The following RASA2 variants were observed in gnomAD, a reference collection of about 807,000 sequenced individuals.
RASA2 encodes ras GTPase-activating protein 2.
A neutral mutation model predicts 118.2 loss-of-function variants in RASA2; 155 were observed. The observed-to-expected ratio is 1.31, with a 90% CI of 1.15 to 1.50. RASA2 has a LOEUF of 1.50. Ranked by LOEUF, RASA2 falls within the 40% of genes most tolerant of loss-of-function variation. The probability of loss-of-function intolerance (pLI) is 0.00; values close to 1 mark genes in which losing one functional copy is unlikely to be tolerated. For missense variants in RASA2, 1,016 were observed against 1,009.6 expected (o/e 1.01, Z -0.09); for synonymous variants, 353 against 349.1 (o/e 1.01, Z -0.12).
Position 141,586,752 on chromosome 3 carries a change from G to C in RASA2, c.1933G>C (p.Gly645Arg). ...SRELTYHKQP[G>R]KDAIYTIPVK... is the part of the protein sequence containing the mutation. ...AGAGCTCACCTACCACAAACAGCCA[G>C]GTAGTTGTGTTTATGCTTTATTGTG... The change falls in exon 19 of 24, where the codon GGC becomes CGC. Residue 645 changes from glycine (G) to arginine (R), a missense_variant and splice_region_variant. Physicochemically the swap from Gly to Arg is moderately radical, Grantham distance 125 (BLOSUM62 -2). This residue lies in a region of RASA2 where 896 missense variants were observed against 836.4 expected (regional missense o/e 1.07). Transcript: ENST00000286364. The C allele has an allele frequency of 6.2e-7, 1 of 1,606,230 alleles. No homozygotes were observed. Among genetic ancestry groups the C allele is most frequent in the Non-Finnish European group, 8.5e-7 (1 of 1,173,172 alleles).
chr3:141,542,496 AT>A (rs1177462121), intron 5 of RASA2, among the ~76,000 whole-genome samples: 1 of 151,974 alleles, frequency 6.6e-6, no homozygotes, highest in Non-Finnish European at 1.5e-5. Flanking sequence ...TGGCAGTTTG[AT>A]TTTTTTCCCC....
chr3:141,600,429 C>A (rs575107456), intron 19 of RASA2: 1 of 427,162 alleles, frequency 2.3e-6, no homozygotes, highest in Non-Finnish European at 4.8e-6. Flanking sequence ...CTGCAGCCCC[C>A]GACCACATTC....
Position 141,558,874 on chromosome 3 carries a change from T to C in RASA2, c.685-12T>C, listed in dbSNP as rs778032864. On this transcript the variant is annotated splice_polypyrimidine_tract_variant and intron_variant, in intron 7 of 23. Transcript: ENST00000286364. ...TTTAAAAAAAATTTTTACTAAAATA[T>C]TTTGTTTACAGGTAACCAGATCCAG... 7 of 1,570,898 alleles carry C rather than the reference T, an allele frequency of 4.5e-6. No homozygotes were observed. The highest frequency in any genetic ancestry group is 1.7e-4 in the Middle Eastern group (1 of 5,956).
At chr3:141,498,338 T>C (rs1297600180) in intron 1 of RASA2, among the ~76,000 whole-genome samples, 1 of 152,194 alleles carries the variant, frequency 6.6e-6, no homozygotes, top group African/African-American at 2.4e-5. Flanking sequence ...TGAGATGATA[T>C]ATTGGAAGGA....
chr3:141,571,968 CAG>C (rs1274086600), intron 11 of RASA2, among the ~76,000 whole-genome samples: 4 of 149,704 alleles, frequency 2.7e-5, no homozygotes, highest in African/African-American at 9.8e-5. Context: ...TTTTTACACA[CAG>C]AGACATACAT....
chr3:141,577,199 A>G (rs925141802), intron 15 of RASA2, 93 bp downstream of exon 15: 1 of 923,268 alleles, frequency 1.1e-6, no homozygotes, highest in African/African-American at 1.7e-5. Flanking sequence ...ACTAGGCTGT[A>G]TTTTCTTATA....
chr3:141,574,703 T>C (rs182474462), intron 14 of RASA2, among the ~76,000 whole-genome samples: 49 of 152,344 alleles, frequency 3.2e-4, no homozygotes, highest in African/African-American at 9.1e-4. Flanking sequence ...CAGATGCTTA[T>C]GAGAGTTAAA....
intron 3 of RASA2, among the ~76,000 whole-genome samples, chr3:141,518,284 AG>A (rs1287267560): frequency 6.6e-6 from 1 of 151,552 alleles, no homozygotes; most frequent in African/African-American, 2.4e-5. Context: ...CAGGAGTTCA[AG>A]ACCAGCCTGG....
At chr3:141,600,168 T>C (rs2083441115) in intron 19 of RASA2, 1 of 314,254 alleles carries the variant, frequency 3.2e-6, no homozygotes, top group Non-Finnish European at 6.5e-6. Flanking sequence ...TCCAAACACA[T>C]GAATCGGTTT....
intron 11 of RASA2, 114 bp downstream of exon 11, chr3:141,571,668 T>C: frequency 2.0e-6 from 2 of 1,013,208 alleles, no homozygotes; most frequent in South Asian, 3.4e-5. Context: ...TACTGTATAG[T>C]AGGCTGAAAA....
chr3:141,571,661 T>C (rs1239469566), intron 11 of RASA2, 107 bp downstream of exon 11: 3 of 1,077,008 alleles, frequency 2.8e-6, no homozygotes, highest in Non-Finnish European at 3.9e-6. Context: ...TCAGCCTTAC[T>C]GTATAGTAGG....
intron 19 of RASA2, among the ~76,000 whole-genome samples, chr3:141,601,793 T>C (rs889998699): frequency 5.3e-5 from 8 of 152,230 alleles, no homozygotes; most frequent in Non-Finnish European, 1.0e-4. Context: ...CTTTTTCTTC[T>C]AGGGATCCTC....
intron 1 of RASA2, among the ~76,000 whole-genome samples, chr3:141,506,349 T>C (rs1205385882): frequency 6.6e-6 from 1 of 152,218 alleles, no homozygotes; most frequent in Non-Finnish European, 1.5e-5. Flanking sequence ...GTAGGACAAA[T>C]GTCTGCTTTT....
intron 1 of RASA2, among the ~76,000 whole-genome samples, chr3:141,510,911 A>C (rs1248875561): frequency 5.3e-5 from 8 of 152,176 alleles, no homozygotes; most frequent in Non-Finnish European, 1.2e-4. Flanking sequence ...TGAGTGAGTA[A>C]CCTAAAGAAT....
intron 3 of RASA2, among the ~76,000 whole-genome samples, chr3:141,520,010 T>C (rs901163799): frequency 7.7e-6 from 1 of 129,550 alleles, no homozygotes; most frequent in Non-Finnish European, 1.6e-5. Flanking sequence ...TTTCTTTTTC[T>C]CTTTTTTTTT....
At chr3:141,603,892 A>T (rs1017584566) in intron 19 of RASA2, among the ~76,000 whole-genome samples, 2 of 152,236 alleles carry the variant, frequency 1.3e-5, no homozygotes, top group South Asian at 4.1e-4. Context: ...TTGGAGGTTC[A>T]TTCATGTTGT....
At position 141,571,419 on chromosome 3, in the gene RASA2, C is replaced by A; in HGVS notation, c.1034C>A (p.Ser345Ter). 6.2e-7 allele frequency: 1 copy of A among 1,613,010 alleles called. No homozygotes were observed. Among genetic ancestry groups the A allele is most frequent in the Non-Finnish European group, 8.5e-7 (1 of 1,179,700 alleles). The change falls in exon 11 of 24, where the codon TCA (serine) becomes TAA (stop). Residue 345 changes from serine to a stop codon, truncating the protein, a stop_gained. Coordinates refer to ENST00000286364, the MANE Select transcript of RASA2 (RefSeq NM_006506.5). LOFTEE classifies it high-confidence loss of function. ...KSPDVQPISA[S>*]AAYILSEICR... ...TTCTGTATTTAGCCAATATCTGCCT[C>A]AGCTGCTTACATTTTGAGTGAAATA...
chr3:141,585,471 A>C (rs1226202207), intron 17 of RASA2, among the ~76,000 whole-genome samples: 15 of 152,194 alleles, frequency 9.9e-5, no homozygotes, highest in Non-Finnish European at 1.5e-5. Context: ...TTATTCCTAC[A>C]AGGAAATATG....
chr3:141,611,145 T>C (rs1400216076), intron 23 of RASA2, among the ~76,000 whole-genome samples: 1 of 152,126 alleles, frequency 6.6e-6, no homozygotes, highest in African/African-American at 2.4e-5. Flanking sequence ...AATAAAACTA[T>C]TTACTCTTGC....
Sources: gnomAD v4.1 joint callset for allele counts (sites outside exome capture counted in the v4.1 genomes callset) on GRCh38, gnomAD v4.1.1 for gene constraint, gnomAD v4.1.1 regional missense constraint, MANE v1.5 for transcripts, NCBI Gene and HGNC (gene_info 2026-07-23, HGNC 2026-07-21) for gene names.